Variants in PYROXD1 observed in about 807,000 individuals in gnomAD.
PYROXD1 encodes the protein tRNA ligase complex-associated NAD(P)H dehydrogenase PYROXD1.
In PYROXD1, 42 loss-of-function variants were observed where a neutral mutation model predicts 62.0. That is an observed-to-expected ratio of 0.68 (90% CI 0.53 to 0.88). The LOEUF is 0.88. Among genes scored for constraint, PYROXD1 ranks in the 40% least tolerant of loss-of-function variants. PYROXD1 has a pLI of 0.00. For missense variants in PYROXD1, 493 were observed against 604.8 expected, an observed-to-expected ratio of 0.82 and a Z score of 1.94; for synonymous variants, 170 against 206.4, an observed-to-expected ratio of 0.82 and a Z score of 1.51.
intron 7 of PYROXD1, among the ~76,000 whole-genome samples, chr12:21,460,416 ATTTAT>A (rs1404660129): frequency 7.5e-6 from 1 of 133,248 alleles, no homozygotes; most frequent in African/African-American, 2.8e-5. Context: ...TTATTTATTT[ATTTAT>A]TTTATTTATT....
At chr12:21,448,033 C>G in intron 3 of PYROXD1, 1 of 488,720 alleles carries the variant, frequency 2.0e-6, no homozygotes, top group Non-Finnish European at 3.9e-6. Flanking sequence ...GAAGGTATCT[C>G]TCTAAAATTG....
chr12:21,467,251 A>G, intron 10 of PYROXD1: 1 of 395,580 alleles, frequency 2.5e-6, no homozygotes, highest in Non-Finnish European at 4.5e-6. Context: ...AAATGCTACT[A>G]AAACAGGTGT....
chr12:21,468,150 T>A (rs531233418), intron 11 of PYROXD1, among the ~76,000 whole-genome samples: 1 of 152,244 alleles, frequency 6.6e-6, no homozygotes, highest in South Asian at 2.1e-4. Context: ...CATGGTTTAA[T>A]GTATCCACAT....
rs1402805561 is a variant in PYROXD1, at chr12:21,467,558, T to C, written c.1194T>C (p.Ser398=). ...KCMAAASSGD[S]IDMDFSFELF... ...TGGCTGCAGCGAGTTCAGGAGACTC[T>C]ATTGACATGGATTTCAGCTTTGAAC... is the stretch of plus-strand genomic sequence containing the variant. The change falls in exon 11 of 12, where the codon TCT becomes TCC. Residue 398 remains serine (S), a synonymous_variant. Coordinates refer to ENST00000240651, the MANE Select transcript of PYROXD1 (RefSeq NM_024854.5). 2.5e-6 allele frequency: 4 copies of C among 1,612,294 alleles called. No individual in the cohort carries two copies. The highest frequency in any genetic ancestry group is 3.4e-6 in the Non-Finnish European group (4 of 1,178,958).
chr12:21,447,122 A>G (rs1427151588), intron 3 of PYROXD1, among the ~76,000 whole-genome samples: 1 of 152,162 alleles, frequency 6.6e-6, no homozygotes, highest in African/African-American at 2.4e-5. Flanking sequence ...GTATCCTCAG[A>G]TGAGCTTCAG....
intron 10 of PYROXD1, among the ~76,000 whole-genome samples, chr12:21,464,166 C>G (rs1246030530): frequency 6.7e-6 from 1 of 148,956 alleles, no homozygotes. Flanking sequence ...TTTTAATTCT[C>G]TAGGGTAAAT....
intron 2 of PYROXD1, among the ~76,000 whole-genome samples, chr12:21,443,342 A>G (rs1212181228): frequency 6.6e-6 from 1 of 152,168 alleles, no homozygotes; most frequent in Non-Finnish European, 1.5e-5. Flanking sequence ...TATTATCAAT[A>G]TGGGTAGGGG....
intron 1 of PYROXD1, among the ~76,000 whole-genome samples, chr12:21,438,961 G>T (rs1439482587): frequency 6.6e-6 from 1 of 152,212 alleles, no homozygotes; most frequent in Non-Finnish European, 1.5e-5. Context: ...GATATCAACG[G>T]TTATCTTAGA....
chr12:21,439,283 G>A (rs927094776), intron 1 of PYROXD1, among the ~76,000 whole-genome samples: 3 of 152,194 alleles, frequency 2.0e-5, no homozygotes, highest in African/African-American at 7.2e-5. Context: ...TTGTGGCAGA[G>A]GCAGCTGGTT....
Position 21,470,348 on chromosome 12 carries a change from T to TCCA in PYROXD1, c.*1594_*1595insCCA. 1.4e-6 allele frequency: 1 copy of TCCA among 716,868 alleles called. No homozygotes were observed. Among genetic ancestry groups the TCCA allele is most frequent in the Non-Finnish European group, 1.8e-6 (1 of 569,500 alleles). 44.4% of individuals were successfully genotyped at this position (716,868 alleles called of 1,614,324 possible). A position where few individuals can be genotyped will look rare whatever the true frequency, so the allele number is the denominator to read the frequency against. On this transcript the variant is annotated 3_prime_UTR_variant, in exon 12 of 12. Transcript: ENST00000240651. The stretch of plus-strand genomic sequence containing the variant: ...ATGACAAGTTTGAGACGATTCAGCC[T>TCCA]ACAAAAAAAAAAAAAAAACAAAGCA...
Position 21,470,523 on chromosome 12 carries a change from A to G in PYROXD1, c.*1769A>G. 1 of 1,002,246 alleles carries G rather than the reference A, an allele frequency of 1.0e-6. No individual in the cohort carries two copies. Among genetic ancestry groups the G allele is most frequent in the Non-Finnish European group, 1.4e-6 (1 of 731,618 alleles). 62.1% of individuals were successfully genotyped at this position (1,002,246 alleles called of 1,614,324 possible). ...TCAAATATGAGCTCTATTTTGAATA[A>G]AAGGGGCTACGTTGTGAGAGAAGTT... is the stretch of plus-strand genomic sequence containing the variant. On this transcript the variant is annotated 3_prime_UTR_variant, in exon 12 of 12. Transcript: ENST00000240651.
chr12:21,451,895 T>TA (rs1267544426), intron 4 of PYROXD1, among the ~76,000 whole-genome samples, 186 bp from the exon 5 acceptor site: 1 of 152,158 alleles, frequency 6.6e-6, no homozygotes, highest in Non-Finnish European at 1.5e-5. Context: ...GGATAAAGCA[T>TA]AAAGGGGGAC....
At chr12:21,463,315 A>T (rs937118418) in intron 10 of PYROXD1, among the ~76,000 whole-genome samples, 4 of 152,190 alleles carry the variant, frequency 2.6e-5, no homozygotes, top group Admixed American at 1.3e-4. Context: ...ACTTTAGATT[A>T]AAAAAACTAC....
At position 21,461,103 on chromosome 12, in the gene PYROXD1, A is replaced by G. The variant is rs1385524791; in HGVS notation, c.829A>G (p.Lys277Glu). 2 of 1,591,566 alleles carry G rather than the reference A, an allele frequency of 1.3e-6. No homozygotes were observed. The highest frequency in any genetic ancestry group is 1.7e-6 in the Non-Finnish European group (2 of 1,168,970). The change falls in exon 8 of 12, where the codon AAA becomes GAA. Residue 277 changes from lysine (K) to glutamate (E), a missense_variant. Physicochemically the swap from Lys to Glu is moderately conservative, Grantham distance 56. Around this residue, in one of 2 missense-constraint regions of PYROXD1, gnomAD observed 329 missense variants for 446.6 expected, o/e 0.74. Transcript: ENST00000240651. ...TCAGGATGAGTTTAGAATTTTGAAGAAAAAGTCCTTCACTTTTCCAAGAGA... is the reference window on the plus strand; with the variant it reads ...TCAGGATGAGTTTAGAATTTTGAAGGAAAAGTCCTTCACTTTTCCAAGAGA... The part of the protein sequence containing the change: ...YLQDEFRILK[K>E]KSFTFPRDHK...
rs2192181 is a variant in PYROXD1, at chr12:21,454,969, C to T, written c.489-163C>T. On this transcript the variant is annotated intron_variant, in intron 5 of 11. Coordinates refer to ENST00000240651, the MANE Select transcript of PYROXD1 (RefSeq NM_024854.5). ...TTACTATTCAATTTTTAATTCTTAACATCTGTAAAGAACGTTAATATTCCT... is the reference window on the plus strand; with the variant it reads ...TTACTATTCAATTTTTAATTCTTAATATCTGTAAAGAACGTTAATATTCCT... 0.99 allele frequency: 400,940 copies of T among 403,624 alleles called. 199,206 individuals are homozygous for T. The highest frequency in any genetic ancestry group is 1 in the East Asian group (26,974 of 26,974). 25.0% of individuals were successfully genotyped at this position (403,624 alleles called of 1,614,324 possible).
At chr12:21,445,321 A>G (rs1942366050) in intron 2 of PYROXD1, 26 bp from the exon 3 acceptor site, 4 of 1,518,362 alleles carry the variant, frequency 2.6e-6, no homozygotes, top group South Asian at 1.3e-5. Flanking sequence ...AAAAATATAC[A>G]TTTTTAATCT....
In PYROXD1 at chr12:21,455,993, A is replaced by T; in HGVS notation, c.650-2A>T. The T allele has an allele frequency of 1.3e-6, 2 of 1,582,502 alleles. No homozygotes were observed. The highest frequency in any genetic ancestry group is 1.7e-6 in the Non-Finnish European group (2 of 1,155,594). Reference sequence around the variant, plus strand: ...TTATATTATTTAATTTCATCTCTTTAGGAAGGAAAAAGGAAGCTAGAAGCA... The same window carrying T: ...TTATATTATTTAATTTCATCTCTTTTGGAAGGAAAAAGGAAGCTAGAAGCA... On this transcript the variant is annotated splice_acceptor_variant, in intron 6 of 11. Coordinates refer to ENST00000240651, the MANE Select transcript of PYROXD1 (RefSeq NM_024854.5). LOFTEE classifies it high-confidence loss of function.
At chr12:21,452,012 G>T in intron 4 of PYROXD1, 69 bp from the exon 5 acceptor site, 1 of 886,620 alleles carries the variant, frequency 1.1e-6, no homozygotes, top group South Asian at 1.6e-5. Flanking sequence ...GAATATTATC[G>T]AAGCCTCATA....
At chr12:21,463,447 G>C (rs1276511619) in intron 10 of PYROXD1, among the ~76,000 whole-genome samples, 1 of 152,070 alleles carries the variant, frequency 6.6e-6, no homozygotes, top group African/African-American at 2.4e-5. Flanking sequence ...CCAGCACTTT[G>C]GGAGGGTGAG....
Sources: allele counts gnomAD v4.1 joint callset (sites outside exome capture counted in the v4.1 genomes callset), GRCh38; gene constraint gnomAD v4.1.1; regional missense constraint gnomAD v4.1.1; transcripts MANE v1.5; gene names NCBI Gene and HGNC (gene_info 2026-07-23, HGNC 2026-07-21).